Variants in CEP120 observed in about 807,000 individuals in gnomAD.
CEP120 encodes centrosomal protein of 120 kDa.
A neutral mutation model predicts 126.5 loss-of-function variants in CEP120; 113 were observed. The observed-to-expected ratio is 0.89, with a 90% CI of 0.77 to 1.04. The LOEUF (loss-of-function observed/expected upper bound fraction) is 1.04, where lower values mean the gene tolerates loss of function less well. CEP120 is among the 50% of genes least tolerant of loss of function. The pLI is 0.00. For synonymous variants in CEP120, 400 were observed against 394.3 expected, an observed-to-expected ratio of 1.01 and a Z score of -0.17; for missense variants, 1,230 against 1,155.7, an observed-to-expected ratio of 1.06 and a Z score of -0.93.
At chr5:123,399,308 A>T (rs375362422) in intron 4 of CEP120, 24 bp from the exon 5 acceptor site, 70 of 1,609,750 alleles carry the variant, frequency 4.3e-5, no homozygotes, top group Non-Finnish European at 5.9e-5. Context: ...AACACGATTA[A>T]ACTACATTGT....
At chr5:123,382,391 A>G (rs963503022) in intron 13 of CEP120, among the ~76,000 whole-genome samples, 191 bp from the exon 14 acceptor site, 5 of 151,438 alleles carry the variant, frequency 3.3e-5, no homozygotes, top group Non-Finnish European at 5.9e-5. Flanking sequence ...TCACTTCAGG[A>G]AACTATAAAA....
chr5:123,386,847 G>A (rs1772064871), intron 9 of CEP120, among the ~76,000 whole-genome samples, 180 bp from the exon 10 acceptor site: 1 of 152,096 alleles, frequency 6.6e-6, no homozygotes, highest in African/African-American at 2.4e-5. Flanking sequence ...GACGGCACAT[G>A]TCCTACCTTT....
At chr5:123,395,573 A>G (rs1421691759) in intron 5 of CEP120, among the ~76,000 whole-genome samples, 2 of 151,964 alleles carry the variant, frequency 1.3e-5, no homozygotes. Context: ...ATTGTGGATG[A>G]TTCATATAAA....
At chr5:123,400,926 G>A (rs1773170931) in intron 4 of CEP120, 58 of 1,544,976 alleles carry the variant, frequency 3.8e-5, no homozygotes, top group Non-Finnish European at 4.9e-5. Flanking sequence ...TGTTCACTTG[G>A]GCAGGACGTC....
intron 14 of CEP120, 21 bp from the exon 15 acceptor site, chr5:123,378,449 A>G: frequency 7.0e-7 from 1 of 1,425,982 alleles, no homozygotes; most frequent in Non-Finnish European, 9.5e-7. Flanking sequence ...GTAAAAAAAA[A>G]AAAAAAAAAG....
At chr5:123,409,545 T>C (rs1034623341) in intron 4 of CEP120, among the ~76,000 whole-genome samples, 6 of 152,060 alleles carry the variant, frequency 3.9e-5, no homozygotes, top group Non-Finnish European at 8.8e-5. Context: ...GCCTTACTAA[T>C]GCAAAAGAAA....
At chr5:123,394,220 T>C (rs945547530) in intron 5 of CEP120, among the ~76,000 whole-genome samples, 2 of 152,216 alleles carry the variant, frequency 1.3e-5, no homozygotes, top group African/African-American at 4.8e-5. Flanking sequence ...GGCTGCTAAA[T>C]AATAACACAT....
At chr5:123,415,496 C>CT (rs1163089228) in intron 3 of CEP120, among the ~76,000 whole-genome samples, 2 of 152,196 alleles carry the variant, frequency 1.3e-5, no homozygotes, top group Middle Eastern at 3.2e-3. Flanking sequence ...TCAGAGATGT[C>CT]TTTTTGAGCA....
intron 4 of CEP120, chr5:123,402,150 G>T: frequency 6.3e-7 from 1 of 1,582,944 alleles, no homozygotes; most frequent in Non-Finnish European, 8.7e-7. Flanking sequence ...GACTGTGACC[G>T]CGGTGATGCC....
intron 14 of CEP120, among the ~76,000 whole-genome samples, chr5:123,380,049 C>G (rs182199035): frequency 1.1e-4 from 17 of 152,148 alleles, no homozygotes; most frequent in Admixed American, 5.9e-4. Flanking sequence ...TATATCTACT[C>G]CTTCAGGTAA....
intron 3 of CEP120, among the ~76,000 whole-genome samples, chr5:123,414,159 C>G (rs908321745): frequency 1.3e-5 from 2 of 152,132 alleles, no homozygotes; most frequent in African/African-American, 2.4e-5. Context: ...TCAGATACCC[C>G]CCTAAGAGGA....
At position 123,423,339 on chromosome 5, in the gene CEP120, G is replaced by A. The variant is rs988549643; in HGVS notation, c.-341C>T. The stretch of plus-strand genomic sequence containing the variant: ...CCGGGCGGCCGCAGCGGCCGCCGCC[G>A]CGCCCAGCTTCCGCCTAGCAACCAG... On this transcript the variant is annotated 5_prime_UTR_variant, in exon 1 of 20. Coordinates refer to ENST00000306467, the MANE Select transcript of CEP120 (RefSeq NM_001375405.1). The A allele has an allele frequency of 6.5e-4, 226 of 348,048 alleles. 1 individual carries two copies. The highest frequency in any genetic ancestry group is 5.6e-4 in the Admixed American group (12 of 21,618). 21.6% of individuals were successfully genotyped at this position (348,048 alleles called of 1,614,324 possible).
chr5:123,418,165 T>C (rs1774493160), intron 2 of CEP120, among the ~76,000 whole-genome samples, 194 bp downstream of exon 2: 1 of 152,214 alleles, frequency 6.6e-6, no homozygotes. Context: ...CCTTTGACTA[T>C]GCGTATAATG....
At chr5:123,388,853 C>T (rs1360149104) in intron 8 of CEP120, among the ~76,000 whole-genome samples, 1 of 152,156 alleles carries the variant, frequency 6.6e-6, no homozygotes, top group African/African-American at 2.4e-5. Context: ...AGAAAACGTA[C>T]AGAACCAATA....
At chr5:123,366,151 C>A (rs1770437709) in intron 17 of CEP120, among the ~76,000 whole-genome samples, 2 of 151,666 alleles carry the variant, frequency 1.3e-5, no homozygotes, top group Non-Finnish European at 2.9e-5. Flanking sequence ...TCAACGATTC[C>A]TAACTTATTT....
At chr5:123,367,138 A>G (rs1009065035) in intron 17 of CEP120, among the ~76,000 whole-genome samples, 1 of 151,772 alleles carries the variant, frequency 6.6e-6, no homozygotes, top group Non-Finnish European at 1.5e-5. Flanking sequence ...GAACTCTTTA[A>G]GTGAAGTCTC....
Position 123,346,566 on chromosome 5 carries a change from C to G in CEP120, c.2914G>C (p.Asp972His), listed in dbSNP as rs747245800. 1.2e-6 allele frequency: 2 copies of G among 1,613,644 alleles called. No homozygotes were observed. Among genetic ancestry groups the G allele is most frequent in the Non-Finnish European group, 1.7e-6 (2 of 1,179,834 alleles). Residue 972 changes from aspartate (D) to histidine (H), a missense_variant, in exon 20 of 20, where the codon GAC (aspartate) becomes CAC (histidine). Coordinates refer to ENST00000306467, the MANE Select transcript of CEP120 (RefSeq NM_001375405.1). Reference sequence around the variant, plus strand: ...GCCAAAATCTCTCTGATCTGTCGGTCGAGTTCACTTATTATTCGATCCTCG... The same window carrying G: ...GCCAAAATCTCTCTGATCTGTCGGTGGAGTTCACTTATTATTCGATCCTCG... ...NHEDRIISEL[D>H]RQIREILAKS...
In CEP120 at chr5:123,412,039, GA is replaced by G. The variant is rs374631177; in HGVS notation, c.463+359del. ...AAAATAAAGTTTATTAATTAAAAAA[GA>G]AAAAATATAAAGGTTTTGTTAACCT... On this transcript the variant is annotated intron_variant, in intron 4 of 19. Transcript: ENST00000306467. 9.0e-4 allele frequency among the ~76,000 whole-genome samples: 137 copies of G among 152,078 alleles called. No individual in the cohort carries two copies. The Middle Eastern group carries it at 0.01, about 11-fold the overall frequency.
chr5:123,352,571 C>T (rs1423547399), intron 18 of CEP120, among the ~76,000 whole-genome samples: 1 of 152,002 alleles, frequency 6.6e-6, no homozygotes, highest in Non-Finnish European at 1.5e-5. Flanking sequence ...TACATTAACA[C>T]TACACTGTTT....
Sources: allele counts gnomAD v4.1 joint callset (sites outside exome capture counted in the v4.1 genomes callset), GRCh38; gene constraint gnomAD v4.1.1; transcripts MANE v1.5; gene names NCBI Gene and HGNC (gene_info 2026-07-23, HGNC 2026-07-21).